HPSE2: variants seen among roughly 807,000 people sequenced by gnomAD.
HPSE2 encodes heparanase 2 (inactive).
A neutral mutation model predicts 60.5 loss-of-function variants in HPSE2; 38 were observed. The ratio of observed to expected loss-of-function variants is 0.63; its 90% CI spans 0.48 to 0.82. The LOEUF (loss-of-function observed/expected upper bound fraction) is 0.82, where lower values mean the gene tolerates loss of function less well. Ranked by LOEUF, HPSE2 falls within the 40% of genes least tolerant of loss-of-function variation. The pLI, the probability that HPSE2 is intolerant of heterozygous loss-of-function variation, is 0.00. For missense variants in HPSE2, 713 were observed against 740.4 expected (o/e 0.96, Z 0.43); for synonymous variants, 295 against 293.2 (o/e 1.01, Z -0.06).
intron 3 of HPSE2, among the ~76,000 whole-genome samples, chr10:98,902,213 C>T (rs912624739): frequency 3.3e-4 from 50 of 152,088 alleles, no homozygotes; most frequent in African/African-American, 1.2e-3. Context: ...TGAAGTAGTA[C>T]TTGAATACAG....
intron 3 of HPSE2, among the ~76,000 whole-genome samples, chr10:99,055,626 T>A (rs1958094894): frequency 6.6e-6 from 1 of 152,154 alleles, no homozygotes; most frequent in Non-Finnish European, 1.5e-5. Flanking sequence ...CTCACAAGTA[T>A]GTTATCTTAC....
In HPSE2 at chr10:98,540,183, G is replaced by C. The variant is rs1401874742; in HGVS notation, c.1321-49987C>G. Among the ~76,000 whole-genome samples, 5 of 152,334 alleles carry C rather than the reference G, an allele frequency of 3.3e-5. No individual in the cohort carries two copies. The South Asian group carries it at 1.0e-3, about 32-fold the overall frequency. On this transcript the variant is annotated intron_variant, in intron 9 of 11. Coordinates refer to ENST00000370552, the MANE Select transcript of HPSE2 (RefSeq NM_021828.5). Reference sequence around the variant, plus strand: ...ACATAGGAGGAAGTCAATAATTTTTGTTGAATAAATGAATAAATGTGTTGC... The same window carrying C: ...ACATAGGAGGAAGTCAATAATTTTTCTTGAATAAATGAATAAATGTGTTGC...
chr10:98,641,106 G>C (rs1946626430), intron 7 of HPSE2, among the ~76,000 whole-genome samples: 1 of 152,066 alleles, frequency 6.6e-6, no homozygotes. Context: ...AAGACACCTA[G>C]GAACAGTGTA....
At chr10:98,644,589 T>C (rs2134043702) in intron 6 of HPSE2, among the ~76,000 whole-genome samples, 1 of 152,318 alleles carries the variant, frequency 6.6e-6, no homozygotes. Context: ...TAGAAGTGAT[T>C]TTCTGGCTTT....
chr10:99,168,037 C>T (rs185419825), intron 2 of HPSE2, among the ~76,000 whole-genome samples: 1 of 146,860 alleles, frequency 6.8e-6, no homozygotes, highest in Admixed American at 6.9e-5. Flanking sequence ...GAATGGATAC[C>T]GAATTTTATC....
At chr10:98,532,593 T>A (rs1420066791) in intron 9 of HPSE2, among the ~76,000 whole-genome samples, 1 of 152,232 alleles carries the variant, frequency 6.6e-6, no homozygotes, top group African/African-American at 2.4e-5. Context: ...TGTAGCATAA[T>A]GTAAAGAAGA....
At chr10:98,992,546 T>A (rs925577065) in intron 3 of HPSE2, among the ~76,000 whole-genome samples, 6 of 152,200 alleles carry the variant, frequency 3.9e-5, no homozygotes. Context: ...TTTAATTCAA[T>A]TCTACAGGTT....
chr10:98,972,444 A>G (rs569544556), intron 3 of HPSE2, among the ~76,000 whole-genome samples: 2 of 152,158 alleles, frequency 1.3e-5, no homozygotes, highest in South Asian at 2.1e-4. Context: ...AATTTTGTTG[A>G]GAAGACATTT....
chr10:98,914,896 T>A (rs1190642856), intron 3 of HPSE2, among the ~76,000 whole-genome samples: 1 of 151,320 alleles, frequency 6.6e-6, no homozygotes, highest in African/African-American at 2.4e-5. Context: ...CCGACTCCTA[T>A]GACAAAGATC....
chr10:98,945,679 C>A (rs1955160041), intron 3 of HPSE2, among the ~76,000 whole-genome samples: 1 of 152,076 alleles, frequency 6.6e-6, no homozygotes, highest in Non-Finnish European at 1.5e-5. Flanking sequence ...AGACAGTATG[C>A]AAAAGTGCAT....
intron 9 of HPSE2, among the ~76,000 whole-genome samples, chr10:98,563,610 A>G (rs1305268508): frequency 6.6e-6 from 1 of 152,230 alleles, no homozygotes; most frequent in Non-Finnish European, 1.5e-5. Context: ...ATGTTCCTTA[A>G]GCAACACTTA....
intron 3 of HPSE2, among the ~76,000 whole-genome samples, chr10:99,052,292 AATAG>A (rs961311769): frequency 5.9e-5 from 9 of 152,108 alleles, no homozygotes; most frequent in African/African-American, 2.2e-4. Flanking sequence ...TAAAAAAGTA[AATAG>A]ATGAGATTAA....
chr10:99,083,966 CTTTTTTTTTT>C (rs34799799), intron 3 of HPSE2, among the ~76,000 whole-genome samples: 4 of 79,764 alleles, frequency 5.0e-5, no homozygotes, highest in African/African-American at 2.0e-4. Flanking sequence ...GTGTGAAAGC[CTTTTTTTTTT>C]TTTTTTTTTT....
Position 98,458,234 on chromosome 10 carries a change from T to G in HPSE2, c.*1340A>C, listed in dbSNP as rs186589995. ...TATCACCGTCTCACTTGGAACAGTG[T>G]CAAATCTCTCCTCCTTCTAACAAAA... is the stretch of plus-strand genomic sequence containing the variant. On this transcript the variant is annotated 3_prime_UTR_variant, in exon 12 of 12. Coordinates refer to ENST00000370552, the MANE Select transcript of HPSE2 (RefSeq NM_021828.5). The G allele has an allele frequency of 6.6e-6, 1 of 152,326 alleles. No individual in the cohort carries two copies. Among genetic ancestry groups the G allele is most frequent in the African/African-American group, 2.4e-5 (1 of 41,542 alleles). The allele number at this position is 152,326 out of a possible 1,614,324, so 9.4% of individuals were successfully genotyped here.
At chr10:98,840,723 A>G (rs1951891373) in intron 3 of HPSE2, among the ~76,000 whole-genome samples, 1 of 152,214 alleles carries the variant, frequency 6.6e-6, no homozygotes, top group African/African-American at 2.4e-5. Flanking sequence ...TGGGAAGAAA[A>G]TAAGTCAAGT....
At chr10:98,826,563 T>C (rs1951552578) in intron 3 of HPSE2, among the ~76,000 whole-genome samples, 1 of 152,188 alleles carries the variant, frequency 6.6e-6, no homozygotes, top group South Asian at 2.1e-4. Context: ...TGTGCCAGTT[T>C]CTAGGACCAG....
intron 7 of HPSE2, among the ~76,000 whole-genome samples, chr10:98,633,640 G>C (rs1185721117): frequency 6.6e-6 from 1 of 152,104 alleles, no homozygotes; most frequent in East Asian, 1.9e-4. Context: ...TGAGTCTTCT[G>C]TTATGTTATC....
chr10:98,754,196 A>G (rs1393904740), intron 3 of HPSE2, among the ~76,000 whole-genome samples: 1 of 152,206 alleles, frequency 6.6e-6, no homozygotes, highest in African/African-American at 2.4e-5. Flanking sequence ...ACTCACTACA[A>G]AAATTTCGTG....
At chr10:98,618,891 G>C (rs939936036) in intron 8 of HPSE2, among the ~76,000 whole-genome samples, 1 of 152,114 alleles carries the variant, frequency 6.6e-6, no homozygotes, top group Non-Finnish European at 1.5e-5. Context: ...GTGTACTTTT[G>C]AAAGAAGATT....
Sources: allele counts gnomAD v4.1 joint callset (sites outside exome capture counted in the v4.1 genomes callset), GRCh38; gene constraint gnomAD v4.1.1; transcripts MANE v1.5; gene names NCBI Gene and HGNC (gene_info 2026-07-23, HGNC 2026-07-21).